The following NOX1 variants were observed in gnomAD, a reference collection of about 807,000 sequenced individuals.
The protein encoded by NOX1 is NADPH oxidase 1.
In NOX1, 34 loss-of-function variants were observed where a neutral mutation model predicts 42.5. The observed-to-expected ratio is 0.80, with a 90% CI of 0.61 to 1.07. The LOEUF (loss-of-function observed/expected upper bound fraction) is 1.07. NOX1 is among the 50% of genes least tolerant of loss of function. The pLI is 0.00. For synonymous variants in NOX1, 143 were observed against 152.5 expected (o/e 0.94, Z 0.46); for missense variants, 408 against 427.0 (o/e 0.96, Z 0.39).
At chrX:100,868,935 T>A (rs1476539951) in intron 2 of NOX1, among the ~76,000 whole-genome samples, 1 of 110,733 alleles carries the variant, frequency 9.0e-6, no homozygotes, top group Non-Finnish European at 1.9e-5. Context: ...CCCCATTGCT[T>A]GTTTTTCTCA....
intron 8 of NOX1, 35 bp from the exon 9 acceptor site, chrX:100,850,421 C>T (rs2085106751): frequency 2.1e-6 from 2 of 956,031 alleles, no homozygotes; most frequent in South Asian, 2.4e-5. Context: ...AGAAAGCAAA[C>T]TCTAATGACG....
intron 7 of NOX1, among the ~76,000 whole-genome samples, chrX:100,853,257 C>T (rs201910257): frequency 0.15 from 3,337 of 22,250 alleles, 479 homozygotes; most frequent in African/African-American, 0.41. Flanking sequence ...TTCCTTCCTT[C>T]CTTCCTTTCT....
Position 100,843,567 on chromosome X carries a change from G to C in NOX1, c.*385C>G, listed in dbSNP as rs1438237875. On this transcript the variant is annotated 3_prime_UTR_variant, in exon 13 of 13. Coordinates refer to ENST00000372966, the MANE Select transcript of NOX1 (RefSeq NM_007052.5). ...TAGAAATCTTCTGTGGGGGTGGGAGGGACAAAAGATTACAAACCAAAACTC... is the reference window on the plus strand; with the variant it reads ...TAGAAATCTTCTGTGGGGGTGGGAGCGACAAAAGATTACAAACCAAAACTC... The C allele has an allele frequency of 1.9e-5, 16 of 825,640 alleles. No homozygotes were observed. Among genetic ancestry groups the C allele is most frequent in the Middle Eastern group, 9.5e-4 (2 of 2,105 alleles). The allele number at this position is 825,640 out of a possible 1,213,427, so 68.0% of individuals were successfully genotyped here.
Position 100,858,979 on chromosome X carries a change from G to A in NOX1, c.804+3192C>T, listed in dbSNP as rs185559940. On this transcript the variant is annotated intron_variant, in intron 7 of 12. Coordinates refer to ENST00000372966, the MANE Select transcript of NOX1 (RefSeq NM_007052.5). ...ACTTCCAGCACGATGTTAAATAGGA[G>A]TGGTAAGAGAATGCATCCTTGTCTT... Among the ~76,000 whole-genome samples the A allele has an allele frequency of 4.4e-3, 493 of 111,732 alleles. 5 individuals are homozygous for A. Among genetic ancestry groups the A allele is most frequent in the Non-Finnish European group, 7.9e-3 (419 of 53,154 alleles).
chrX:100,843,687 T>C lies in NOX1; in HGVS notation c.*265A>G. 1 of 401,677 alleles carries C rather than the reference T, an allele frequency of 2.5e-6. No individual in the cohort carries two copies. 33.1% of individuals were successfully genotyped at this position (401,677 alleles called of 1,213,427 possible). On this transcript the variant is annotated 3_prime_UTR_variant, in exon 13 of 13. Transcript: ENST00000372966. ...CTGCTATCAAGCCTTGCTACAGTCATGGCTGTCCAGAAAGATTTACAGTTA... is the reference window on the plus strand; with the variant it reads ...CTGCTATCAAGCCTTGCTACAGTCACGGCTGTCCAGAAAGATTTACAGTTA...
intron 7 of NOX1, among the ~76,000 whole-genome samples, chrX:100,854,739 C>CTA (rs1338771606): frequency 2.7e-5 from 3 of 111,712 alleles, no homozygotes; most frequent in Non-Finnish European, 5.6e-5. Context: ...CATGATTTTG[C>CTA]TTGGGTAGTC....
intron 1 of NOX1, among the ~76,000 whole-genome samples, chrX:100,873,693 A>G (rs1208638227): frequency 8.9e-6 from 1 of 111,925 alleles, no homozygotes; most frequent in Non-Finnish European, 1.9e-5. Flanking sequence ...GTGGTTTGCT[A>G]TATTTCTAGT....
rs531734895 is a variant in NOX1 at position 100,850,933 on chromosome X, G to A, written c.897+300C>T. Among the ~76,000 whole-genome samples, 27 of 110,951 alleles carry A rather than the reference G, an allele frequency of 2.4e-4. No individual in the cohort carries two copies. In the South Asian group the frequency reaches 0.01, roughly 43 times the overall value. On this transcript the variant is annotated intron_variant, in intron 8 of 12. Transcript: ENST00000372966. The stretch of plus-strand genomic sequence containing the variant: ...CAACTCACTGCAACCTCTGCCTCCC[G>A]GGTTCAAGCGATTCTCCCGCCTCAG...
At chrX:100,850,627 G>A (rs916878480) in intron 8 of NOX1, among the ~76,000 whole-genome samples, 1 of 112,189 alleles carries the variant, frequency 8.9e-6, no homozygotes, top group Non-Finnish European at 1.9e-5. Context: ...AAAATCAAAC[G>A]AAAGCTTCCA....
At chrX:100,844,199 C>T (rs757420359) in intron 12 of NOX1, 121 bp from the exon 13 acceptor site, 134 of 636,996 alleles carry the variant, frequency 2.1e-4, no homozygotes, top group Non-Finnish European at 3.0e-4. Flanking sequence ...TTTACTCCCA[C>T]GTTCTTCATG....
chrX:100,870,793 C>T lies in NOX1; in HGVS notation c.67G>A (p.Val23Ile), dbSNP rs373979740. ...AGGAAGGCATCCACAAACAGGAAAA[C>T]ATTCAGCCCTAACCAAACAACCTAG... ...LFLVVWLGLN[V>I]FLFVDAFLKY... Residue 23 changes from valine (V) to isoleucine (I), a missense_variant, in exon 2 of 13, where the codon GTT becomes ATT. Coordinates refer to ENST00000372966, the MANE Select transcript of NOX1 (RefSeq NM_007052.5). 46 of 1,182,243 alleles carry T rather than the reference C, an allele frequency of 3.9e-5. No homozygotes were observed. The African/African-American group carries it at 7.8e-4, about 20-fold the overall frequency.
In NOX1 at chrX:100,862,769, C is replaced by T. The variant is rs376946278; in HGVS notation, c.389G>A (p.Arg130Gln). The T allele has an allele frequency of 5.0e-5, 60 of 1,197,000 alleles. No individual in the cohort carries two copies. The highest frequency in any genetic ancestry group is 2.3e-4 in the Middle Eastern group (1 of 4,332). ...GGCAAGGGAGCCATCTGTGGCCTGT[C>T]GGCTTCTGCTATAGCAGTCAAAGTT... ...LFNFDCYSRS[R>Q]QATDGSLASI... Residue 130 changes from arginine to glutamine, a missense_variant, in exon 5 of 13, where the codon CGA becomes CAA. By Grantham distance (43) the Arg-to-Gln change is conservative (BLOSUM62 1). Transcript: ENST00000372966.
In NOX1 at chrX:100,848,715, T is replaced by C. The variant is rs1257927974; in HGVS notation, c.1483A>G (p.Ile495Val). The change falls in exon 12 of 13, where the codon ATC becomes GTC. Residue 495 changes from isoleucine to valine, a missense_variant. Ile to Val is a conservative substitution (Grantham distance 29). Coordinates refer to ENST00000372966, the MANE Select transcript of NOX1 (RefSeq NM_007052.5). ...GTTTTCTGTTTCAGACCTGTCACGA[T>C]GTCAGTGGCCTTGTCAAAGTTTAAT... is the stretch of plus-strand genomic sequence containing the variant. The part of the protein sequence containing the change: ...AALNFDKATD[I>V]VTGLKQKTSF... 1.7e-6 allele frequency: 2 copies of C among 1,210,224 alleles called. No homozygotes were observed. Among genetic ancestry groups the C allele is most frequent in the Non-Finnish European group, 2.2e-6 (2 of 894,814 alleles).
intron 2 of NOX1, among the ~76,000 whole-genome samples, chrX:100,870,285 G>T (rs942860126): frequency 9.2e-6 from 1 of 109,216 alleles, no homozygotes; most frequent in African/African-American, 3.3e-5. Flanking sequence ...AGGGGCAGGA[G>T]CAGGAGCAGG....
rs147882804 is a variant in NOX1, at chrX:100,863,170, C to T, written c.326G>A (p.Cys109Tyr). The change falls in exon 4 of 13, where the codon TGC becomes TAC. Residue 109 changes from cysteine to tyrosine, a missense_variant. By Grantham distance (194) the Cys-to-Tyr change is radical. Coordinates refer to ENST00000372966, the MANE Select transcript of NOX1 (RefSeq NM_007052.5). The part of the protein sequence containing the change: ...TFHKLVAYMI[C>Y]LHTAIHIIAH... Reference sequence around the variant, plus strand: ...ATTGCCTGAGTTACCTGTATGTAGGCAGATCATATAGGCCACCAGCTTGTG... The same window carrying T: ...ATTGCCTGAGTTACCTGTATGTAGGTAGATCATATAGGCCACCAGCTTGTG... 19 of 1,198,142 alleles carry T rather than the reference C, an allele frequency of 1.6e-5. No homozygotes were observed. The highest frequency in any genetic ancestry group is 2.2e-5 in the Admixed American group (1 of 45,703).
intron 1 of NOX1, among the ~76,000 whole-genome samples, chrX:100,873,559 G>T (rs2147924006): frequency 8.9e-6 from 1 of 112,111 alleles, no homozygotes; most frequent in South Asian, 3.7e-4. Flanking sequence ...TTTCAATATT[G>T]AATACATACT....
chrX:100,863,686 C>A (rs1034114943), intron 2 of NOX1, 91 bp from the exon 3 acceptor site: 6 of 1,113,222 alleles, frequency 5.4e-6, no homozygotes, highest in Non-Finnish European at 7.1e-6. Context: ...CTGAGGCCTG[C>A]AAATGAACAG....
intron 7 of NOX1, chrX:100,855,185 G>T: frequency 2.2e-6 from 1 of 452,063 alleles, no homozygotes; most frequent in Non-Finnish European, 4.0e-6. Context: ...TGGCAGCTAG[G>T]CCCTGCCACC....
At position 100,849,414 on chromosome X, in the gene NOX1, A is replaced by G; in HGVS notation, c.1309T>C (p.Trp437Arg). 2.5e-6 allele frequency: 3 copies of G among 1,210,462 alleles called. No homozygotes were observed. Among genetic ancestry groups the G allele is most frequent in the Non-Finnish European group, 3.4e-6 (3 of 894,687 alleles). ...NLKTKKIYFY[W>R]ICRETGAFSW... ...AAGGCACCTGTCTCCCTGCAGATCC[A>G]GTAGAAATAGATCTGAAATCAGCAA... is the stretch of plus-strand genomic sequence containing the variant. Residue 437 changes from tryptophan (W) to arginine (R), a missense_variant, in exon 11 of 13, where the codon TGG (tryptophan) becomes CGG (arginine). Trp to Arg is a moderately radical substitution (Grantham distance 101, BLOSUM62 -3). Coordinates refer to ENST00000372966, the MANE Select transcript of NOX1 (RefSeq NM_007052.5).
Sources: gnomAD v4.1 joint callset for allele counts (sites outside exome capture counted in the v4.1 genomes callset) on GRCh38, gnomAD v4.1.1 for gene constraint, MANE v1.5 for transcripts, NCBI Gene and HGNC (gene_info 2026-07-23, HGNC 2026-07-21) for gene names.